Variants in ITPRIPL1 observed in about 807,000 individuals in gnomAD.
The protein encoded by ITPRIPL1 is ITPRIP like 1, also known as inositol 1,4,5-trisphosphate receptor-interacting protein-like 1.
A neutral mutation model predicts 40.0 loss-of-function variants in ITPRIPL1; 28 were observed. That is an observed-to-expected ratio of 0.70 (90% CI 0.52 to 0.96). The LOEUF (loss-of-function observed/expected upper bound fraction) is 0.96, where lower values mean the gene tolerates loss of function less well. Among genes scored for constraint, ITPRIPL1 ranks in the 40% least tolerant of loss-of-function variants. The probability of loss-of-function intolerance (pLI) is 0.00; values close to 1 mark genes in which losing one functional copy is unlikely to be tolerated. For missense variants in ITPRIPL1, 638 were observed against 698.0 expected, an observed-to-expected ratio of 0.91 and a Z score of 0.97; for synonymous variants, 251 against 275.7, an observed-to-expected ratio of 0.91 and a Z score of 0.89.
intron 2 of ITPRIPL1, chr2:96,326,429 A>G: frequency 1.3e-6 from 2 of 1,550,464 alleles, no homozygotes; most frequent in Non-Finnish European, 1.7e-6. Context: ...AGCAGGAGAG[A>G]GACTGAGTGG....
rs764216742 is a variant in ITPRIPL1 at position 96,327,152 on chromosome 2, A to C, written c.521A>C (p.His174Pro). 6 of 1,614,084 alleles carry C rather than the reference A, an allele frequency of 3.7e-6. No individual in the cohort carries two copies. Among genetic ancestry groups the C allele is most frequent in the Non-Finnish European group, 4.2e-6 (5 of 1,180,008 alleles). Residue 174 changes from histidine (H) to proline (P), a missense_variant, in exon 3 of 3, where the codon CAC becomes CCC. Coordinates refer to ENST00000439118, the MANE Select transcript of ITPRIPL1 (RefSeq NM_001008949.3). ...GAGGCCCTGGACTCCTTTTACAAAC[A>C]CTATGTCCAAAATGCCATCCGTGAC... Reference protein sequence around the residue: ...SQEALDSFYKHYVQNAIRDLP... With the variant: ...SQEALDSFYKPYVQNAIRDLP...
Position 96,328,350 on chromosome 2 carries a change from G to C in ITPRIPL1, c.*51G>C. 1 of 1,531,380 alleles carries C rather than the reference G, an allele frequency of 6.5e-7. No homozygotes were observed. The highest frequency in any genetic ancestry group is 8.8e-7 in the Non-Finnish European group (1 of 1,135,526). The allele number at this position is 1,531,380 out of a possible 1,614,324, so 94.9% of individuals were successfully genotyped here. ...GAGGAAGGTATTTCTAATTCCTTGGGCTACAAAAGTGTTTACTTTTCAGAT... is the reference window on the plus strand; with the variant it reads ...GAGGAAGGTATTTCTAATTCCTTGGCCTACAAAAGTGTTTACTTTTCAGAT... On this transcript the variant is annotated 3_prime_UTR_variant, in exon 3 of 3. Coordinates refer to ENST00000439118, the MANE Select transcript of ITPRIPL1 (RefSeq NM_001008949.3).
chr2:96,327,334 T>C lies in ITPRIPL1; in HGVS notation c.703T>C (p.Phe235Leu), dbSNP rs2064120748. 1 of 1,613,948 alleles carries C rather than the reference T, an allele frequency of 6.2e-7. No individual in the cohort carries two copies. The highest frequency in any genetic ancestry group is 8.5e-7 in the Non-Finnish European group (1 of 1,179,970). ...GGGAACCCTCCATGAGACCCAGAAA[T>C]TTGATATCCTGGTGCCCATTGTCCC... ...KWGTLHETQK[F>L]DILVPIVPPQ... Residue 235 changes from phenylalanine to leucine, a missense_variant, in exon 3 of 3, where the codon TTT becomes CTT. Coordinates refer to ENST00000439118, the MANE Select transcript of ITPRIPL1 (RefSeq NM_001008949.3).
At chr2:96,329,556 GTAT>G (rs2064146253), downstream of ITPRIPL1, 1 of 95,840 alleles carries the variant, frequency 1.0e-5, no homozygotes, top group East Asian at 3.6e-4. Context: ...TGCCTCCTTT[GTAT>G]TTTTTTTTTT....
downstream of ITPRIPL1, chr2:96,329,084 C>T (rs1021221826): frequency 2.1e-5 from 3 of 142,680 alleles, no homozygotes; most frequent in African/African-American, 5.2e-5. Context: ...TGCAGTGAGC[C>T]GAGATCGCAC....
In ITPRIPL1 at chr2:96,327,903, G is replaced by A; in HGVS notation, c.1272G>A (p.Gln424=). 3.7e-6 allele frequency: 6 copies of A among 1,613,862 alleles called. No individual in the cohort carries two copies. Among genetic ancestry groups the A allele is most frequent in the Non-Finnish European group, 5.1e-6 (6 of 1,180,008 alleles). ...PENTCHLKCL[Q]IILSLRQHQS... is the part of the protein sequence containing the mutation. ...ACACCTGTCACCTCAAGTGCCTCCAGATCATTTTAAGTCTCCGGCAGCATC... is the reference window on the plus strand; with the variant it reads ...ACACCTGTCACCTCAAGTGCCTCCAAATCATTTTAAGTCTCCGGCAGCATC... The change falls in exon 3 of 3, where the codon CAG becomes CAA. Residue 424 remains glutamine, a synonymous_variant. Coordinates refer to ENST00000439118, the MANE Select transcript of ITPRIPL1 (RefSeq NM_001008949.3).
In ITPRIPL1 at chr2:96,327,105, G is replaced by A; in HGVS notation, c.474G>A (p.Trp158Ter). The A allele has an allele frequency of 2.5e-6, 4 of 1,614,156 alleles. No individual in the cohort carries two copies. The highest frequency in any genetic ancestry group is 3.4e-6 in the Non-Finnish European group (4 of 1,180,020). The change falls in exon 3 of 3, where the codon TGG (tryptophan) becomes TGA (stop). Residue 158 changes from tryptophan (W) to a stop codon, truncating the protein, a stop_gained. Transcript: ENST00000439118. LOFTEE classifies it high-confidence loss of function. ...TTGTCCCTGTCACCTCTTACAACTG[G>A]CTTACTGACTTCCCCTCCCAGGAGG... is the stretch of plus-strand genomic sequence containing the variant. ...VRVVPVTSYNWLTDFPSQEAL... is the reference protein window; with the variant it reads ...VRVVPVTSYN
At position 96,326,140 on chromosome 2, in the gene ITPRIPL1, G is replaced by A. The variant is rs1022626568; in HGVS notation, c.10+291G>A. The A allele has an allele frequency of 8.9e-6, 13 of 1,467,288 alleles. No homozygotes were observed. The Admixed American group carries it at 1.0e-4, about 11-fold the overall frequency. 90.9% of individuals were successfully genotyped at this position (1,467,288 alleles called of 1,614,324 possible). A position where few individuals can be genotyped will look rare whatever the true frequency, so the allele number is the denominator to read the frequency against. ...GAGTGATGAGGCTCACTTCATACTG[G>A]GTGAGCAGAATGAAGACTGTGAAGT... On this transcript the variant is annotated intron_variant, in intron 2 of 2. Coordinates refer to ENST00000439118, the MANE Select transcript of ITPRIPL1 (RefSeq NM_001008949.3).
At chr2:96,329,177 A>C (rs1290725768), downstream of ITPRIPL1, 2 of 138,558 alleles carry the variant, frequency 1.4e-5, no homozygotes, top group African/African-American at 5.3e-5. Flanking sequence ...ATATATATAT[A>C]TATATATATA....
Position 96,326,250 on chromosome 2 carries a change from A to C in ITPRIPL1, c.11-392A>C, listed in dbSNP as rs1348461105. On this transcript the variant is annotated intron_variant, in intron 2 of 2. Transcript: ENST00000439118. ...CAGGTTCAGGGCTTTCTGGCTATAA[A>C]AGGGAGCCTCTGGGATCAGCAGGTC... 4 of 1,435,372 alleles carry C rather than the reference A, an allele frequency of 2.8e-6. No homozygotes were observed. In the African/African-American group the frequency reaches 5.6e-5, roughly 20 times the overall value. 88.9% of individuals were successfully genotyped at this position (1,435,372 alleles called of 1,614,324 possible).
rs183700774 is a variant in ITPRIPL1 at position 96,326,822 on chromosome 2, G to A, written c.191G>A (p.Arg64Gln). 7.4e-6 allele frequency: 12 copies of A among 1,614,176 alleles called. No homozygotes were observed. The highest frequency in any genetic ancestry group is 3.3e-5 in the South Asian group (3 of 91,074). The change falls in exon 3 of 3, where the codon CGA becomes CAA. Residue 64 changes from arginine to glutamine, a missense_variant. Physicochemically the swap from Arg to Gln is conservative, Grantham distance 43. Coordinates refer to ENST00000439118, the MANE Select transcript of ITPRIPL1 (RefSeq NM_001008949.3). Reference protein sequence around the residue: ...LLEMEFEERKRAAEQRQKAEN... With the variant: ...LLEMEFEERKQAAEQRQKAEN... ...GAGATGGAGTTTGAAGAGAGAAAGCGAGCCGCTGAGCAGAGGCAGAAGGCA... is the reference window on the plus strand; with the variant it reads ...GAGATGGAGTTTGAAGAGAGAAAGCAAGCCGCTGAGCAGAGGCAGAAGGCA...
At position 96,327,701 on chromosome 2, in the gene ITPRIPL1, G is replaced by A. The variant is rs371550518; in HGVS notation, c.1070G>A (p.Arg357His). 17 of 1,612,876 alleles carry A rather than the reference G, an allele frequency of 1.1e-5. No individual in the cohort carries two copies. The highest frequency in any genetic ancestry group is 4.5e-5 in the East Asian group (2 of 44,868). The part of the protein sequence containing the change: ...TTSCKLRLDY[R>H]SGRFLSIHLV... The stretch of plus-strand genomic sequence containing the variant: ...TCCTGCAAGCTCCGGCTGGACTATC[G>A]CTCAGGCCGCTTTCTCTCAATCCAC... Residue 357 changes from arginine (R) to histidine (H), a missense_variant, in exon 3 of 3, where the codon CGC (arginine) becomes CAC (histidine). Transcript: ENST00000439118.
At position 96,326,913 on chromosome 2, in the gene ITPRIPL1, G is replaced by T. The variant is rs761211355; in HGVS notation, c.282G>T (p.Trp94Cys). 6.2e-7 allele frequency: 1 copy of T among 1,614,234 alleles called. No individual in the cohort carries two copies. Among genetic ancestry groups the T allele is most frequent in the Non-Finnish European group, 8.5e-7 (1 of 1,180,040 alleles). Residue 94 changes from tryptophan (W) to cysteine (C), a missense_variant, in exon 3 of 3, where the codon TGG becomes TGT. By Grantham distance (215) the Trp-to-Cys change is radical. Coordinates refer to ENST00000439118, the MANE Select transcript of ITPRIPL1 (RefSeq NM_001008949.3). ...QLVLGKKDMGWPFQADGQEGP... is the reference protein window; with the variant it reads ...QLVLGKKDMGCPFQADGQEGP... ...TGCTGGGGAAGAAAGACATGGGGTG[G>T]CCGTTCCAGGCCGATGGCCAGGAAG... is the stretch of plus-strand genomic sequence containing the variant.
At chr2:96,325,906 G>C in intron 2 of ITPRIPL1, 57 bp downstream of exon 2, 1 of 1,591,516 alleles carries the variant, frequency 6.3e-7, no homozygotes, top group Non-Finnish European at 8.6e-7. Context: ...CTTCACGGGT[G>C]GGTGGGGAGG....
rs768143282 is a variant in ITPRIPL1, at chr2:96,327,860, G to C, written c.1229G>C (p.Gly410Ala). Residue 410 changes from glycine (G) to alanine (A), a missense_variant, in exon 3 of 3, where the codon GGG becomes GCG. By Grantham distance (60) the Gly-to-Ala change is moderately conservative. Transcript: ENST00000439118. Reference protein sequence around the residue: ...ACEHLFLKLVGRFAPENTCHL... With the variant: ...ACEHLFLKLVARFAPENTCHL... ...GAGCACCTGTTCCTGAAGCTGGTGG[G>C]GCGCTTTGCCCCCGAGAACACCTGT... is the stretch of plus-strand genomic sequence containing the variant. The C allele has an allele frequency of 1.2e-6, 2 of 1,613,908 alleles. No individual in the cohort carries two copies. The highest frequency in any genetic ancestry group is 1.7e-5 in the Admixed American group (1 of 59,998).
rs149157551 is a variant in ITPRIPL1, at chr2:96,327,637, A to G, written c.1006A>G (p.Lys336Glu). ...MGNAWALVAH[K>E]YDFKLSLPPS... ...CAATGCCTGGGCCCTTGTGGCCCAC[A>G]AGTATGACTTTAAACTCAGTCTCCC... The change falls in exon 3 of 3, where the codon AAG becomes GAG. Residue 336 changes from lysine to glutamate, a missense_variant. By Grantham distance (56) the Lys-to-Glu change is moderately conservative. Transcript: ENST00000439118. 173 of 1,611,812 alleles carry G rather than the reference A, an allele frequency of 1.1e-4. No homozygotes were observed. Among genetic ancestry groups the G allele is most frequent in the Non-Finnish European group, 1.4e-4 (162 of 1,179,266 alleles).
chr2:96,325,949 G>C, intron 2 of ITPRIPL1, 100 bp downstream of exon 2: 1 of 1,360,624 alleles, frequency 7.3e-7, no homozygotes, highest in Non-Finnish European at 1.1e-6. Context: ...CTGTCAGGTA[G>C]GCCTTGGGCA....
chr2:96,325,625 C>T (rs2064098696), intron 1 of ITPRIPL1, 60 bp downstream of exon 1: 1 of 618,890 alleles, frequency 1.6e-6, no homozygotes, highest in African/African-American at 1.8e-5. Context: ...CCCTTGGCCT[C>T]CTACGGATAG....
At position 96,327,525 on chromosome 2, in the gene ITPRIPL1, G is replaced by A; in HGVS notation, c.894G>A (p.Lys298=). 1.2e-6 allele frequency: 2 copies of A among 1,614,088 alleles called. No homozygotes were observed. The highest frequency in any genetic ancestry group is 1.7e-6 in the Non-Finnish European group (2 of 1,180,008). ...GGGACCCCTCGGCAGTCTTGGGGAA[G>A]TGTAGTAGCTCCATCAAGGCAGCTC... is the stretch of plus-strand genomic sequence containing the variant. ...HHRDPSAVLG[K]CSSSIKAALC... Residue 298 remains lysine (K), a synonymous_variant, in exon 3 of 3, where the codon AAG becomes AAA. Transcript: ENST00000439118.
Sources: allele counts gnomAD v4.1 joint callset, GRCh38; gene constraint gnomAD v4.1.1; transcripts MANE v1.5; gene names NCBI Gene and HGNC (gene_info 2026-07-23, HGNC 2026-07-21).